The following FRMD5 variants were observed in gnomAD, a reference collection of about 807,000 sequenced individuals.
The protein encoded by FRMD5 is FERM domain containing 5.
Under a neutral mutation model 69.0 loss-of-function variants are expected in FRMD5, and 20 were observed. The observed-to-expected ratio is 0.29, with a 90% CI of 0.20 to 0.42. FRMD5 has a LOEUF of 0.42. FRMD5 is among the 10% of genes least tolerant of loss of function. FRMD5 has a pLI of 1.00. For missense variants in FRMD5, 595 were observed against 708.6 expected (o/e 0.84, Z 1.82); for synonymous variants, 271 against 260.1 (o/e 1.04, Z -0.40).
intron 1 of FRMD5, among the ~76,000 whole-genome samples, chr15:44,087,248 G>A (rs1475050576): frequency 2.6e-5 from 4 of 152,120 alleles, no homozygotes; most frequent in Non-Finnish European, 5.9e-5. Flanking sequence ...TCAAACTCTT[G>A]ACTTCAGGTA....
chr15:44,133,111 T>G (rs1243139341), intron 1 of FRMD5, among the ~76,000 whole-genome samples: 1 of 151,274 alleles, frequency 6.6e-6, no homozygotes, highest in South Asian at 2.1e-4. Context: ...CACTTAAAAA[T>G]GATTAGGCAG....
At chr15:44,189,792 A>T (rs2078164064) in intron 1 of FRMD5, among the ~76,000 whole-genome samples, 1 of 152,152 alleles carries the variant, frequency 6.6e-6, no homozygotes, top group Admixed American at 6.6e-5. Flanking sequence ...ATGTCTAGCC[A>T]AAAGTCCAAA....
intron 1 of FRMD5, among the ~76,000 whole-genome samples, chr15:43,931,199 T>G (rs956548719): frequency 1.3e-5 from 2 of 152,240 alleles, no homozygotes; most frequent in African/African-American, 4.8e-5. Flanking sequence ...CTTAAAAGCA[T>G]CACTGCATCT....
intron 1 of FRMD5, among the ~76,000 whole-genome samples, chr15:43,964,506 A>AC: frequency 1.3e-5 from 2 of 151,872 alleles, no homozygotes; most frequent in African/African-American, 4.8e-5. Flanking sequence ...CAAACAAAAA[A>AC]AAAAACAAAA....
chr15:44,198,735 T>C (rs751317299), upstream of FRMD5, among the ~76,000 whole-genome samples: 3 of 152,238 alleles, frequency 2.0e-5, no homozygotes, highest in Non-Finnish European at 4.4e-5. Flanking sequence ...AGAAATATTT[T>C]GTTTATCTTT....
At chr15:43,925,485 G>A (rs2089568325) in intron 1 of FRMD5, among the ~76,000 whole-genome samples, 1 of 152,204 alleles carries the variant, frequency 6.6e-6, no homozygotes, top group Admixed American at 6.5e-5. Context: ...ACTGCTGCAT[G>A]TCACTGCAAT....
chr15:44,100,051 T>A (rs2076615293), intron 1 of FRMD5, among the ~76,000 whole-genome samples: 1 of 149,402 alleles, frequency 6.7e-6, no homozygotes, highest in Non-Finnish European at 1.5e-5. Flanking sequence ...TCTTCTCTTT[T>A]TTTTTTTTTT....
At chr15:43,877,849 A>G (rs948653002) in intron 13 of FRMD5, among the ~76,000 whole-genome samples, 4 of 152,256 alleles carry the variant, frequency 2.6e-5, no homozygotes, top group Non-Finnish European at 5.9e-5. Flanking sequence ...AACCAAGGAT[A>G]GAATCCAAGC....
At chr15:44,182,582 T>C (rs1010445458) in intron 1 of FRMD5, among the ~76,000 whole-genome samples, 5 of 152,150 alleles carry the variant, frequency 3.3e-5, no homozygotes, top group Non-Finnish European at 5.9e-5. Flanking sequence ...CACCTTGGCC[T>C]CCCAAAGTGC....
intron 1 of FRMD5, among the ~76,000 whole-genome samples, chr15:43,933,474 C>T (rs1026875406): frequency 1.3e-5 from 2 of 152,204 alleles, no homozygotes; most frequent in Non-Finnish European, 2.9e-5. Context: ...GCATTTCTAA[C>T]AAGTTCCCAG....
chr15:43,961,423 A>G (rs1368579487), intron 1 of FRMD5, among the ~76,000 whole-genome samples: 2 of 152,222 alleles, frequency 1.3e-5, no homozygotes, highest in East Asian at 3.8e-4. Flanking sequence ...TAGCTTACCA[A>G]CCAAAAAAAG....
chr15:43,899,282 G>A (rs1427876656), intron 7 of FRMD5, among the ~76,000 whole-genome samples: 2 of 152,180 alleles, frequency 1.3e-5, no homozygotes, highest in Non-Finnish European at 2.9e-5. Context: ...CATGGCCAGA[G>A]CCTAATGAGA....
intron 1 of FRMD5, among the ~76,000 whole-genome samples, chr15:44,179,110 G>GA (rs1326475585): frequency 1.3e-5 from 2 of 152,002 alleles, no homozygotes; most frequent in African/African-American, 2.4e-5. Context: ...TAACCTATCT[G>GA]AAAAAAAGTC....
intron 1 of FRMD5, among the ~76,000 whole-genome samples, chr15:43,963,214 AAAAC>A (rs2090233952): frequency 6.6e-6 from 1 of 152,242 alleles, no homozygotes; most frequent in South Asian, 2.1e-4. Flanking sequence ...TTACAAGAAT[AAAAC>A]AAACAACCCC....
At chr15:44,106,741 A>G (rs1045998420) in intron 1 of FRMD5, among the ~76,000 whole-genome samples, 3 of 148,670 alleles carry the variant, frequency 2.0e-5, no homozygotes. Flanking sequence ...CTTCACCTCT[A>G]AACTGTGAGG....
At chr15:43,879,575 C>T (rs1241137174) in intron 13 of FRMD5, 2 of 398,928 alleles carry the variant, frequency 5.0e-6, no homozygotes, top group Non-Finnish European at 8.8e-6. Context: ...GGGGCCCCAT[C>T]CTCAGGATGC....
intron 1 of FRMD5, among the ~76,000 whole-genome samples, chr15:43,964,793 A>G (rs967758797): frequency 1.3e-5 from 2 of 152,196 alleles, no homozygotes; most frequent in African/African-American, 4.8e-5. Flanking sequence ...AAGTCCTTCC[A>G]TACCATTGCT....
intron 2 of FRMD5, among the ~76,000 whole-genome samples, chr15:43,921,813 G>A (rs574109074): frequency 9.8e-5 from 15 of 152,338 alleles, no homozygotes; most frequent in South Asian, 4.1e-4. Flanking sequence ...CCCTGGGCCC[G>A]AGTCAGGCAT....
At chr15:44,168,698 T>G (rs538185541) in intron 1 of FRMD5, among the ~76,000 whole-genome samples, 1 of 152,348 alleles carries the variant, frequency 6.6e-6, no homozygotes, top group Non-Finnish European at 1.5e-5. Context: ...TACATCTATA[T>G]TTAGGGGCTA....
Sources: allele counts gnomAD v4.1 joint callset (sites outside exome capture counted in the v4.1 genomes callset), GRCh38; gene constraint gnomAD v4.1.1; transcripts MANE v1.5; gene names NCBI Gene and HGNC (gene_info 2026-07-23, HGNC 2026-07-21).